The following NPM2 variants were observed in gnomAD, a reference collection of about 807,000 sequenced individuals.
NPM2 encodes nucleoplasmin-2.
In NPM2, 25 loss-of-function variants were observed where a neutral mutation model predicts 32.0. The observed-to-expected ratio is 0.78, with a 90% CI of 0.57 to 1.09. The LOEUF (loss-of-function observed/expected upper bound fraction) is 1.09. NPM2 is among the 50% of genes least tolerant of loss of function. The pLI is 0.00. For synonymous variants in NPM2, 111 were observed against 94.2 expected, an observed-to-expected ratio of 1.18 and a Z score of -1.04; for missense variants, 282 against 259.9, an observed-to-expected ratio of 1.08 and a Z score of -0.58.
In NPM2 at chr8:22,036,769, C is replaced by T. The variant is rs1428835914; in HGVS notation, c.*87C>T. ...AGGGTGCCCCTGTCCAGCCCCTCCA[C>T]CTGTGTCTGAATGCAACAGGGGTGT... On this transcript the variant is annotated 3_prime_UTR_variant, in exon 10 of 10. Transcript: ENST00000518119. The T allele has an allele frequency of 5.1e-6, 7 of 1,361,096 alleles. No individual in the cohort carries two copies. The highest frequency in any genetic ancestry group is 5.7e-5 in the Admixed American group (2 of 35,368). 84.3% of individuals were successfully genotyped at this position (1,361,096 alleles called of 1,614,324 possible). A position where few individuals can be genotyped will look rare whatever the true frequency, so the allele number is the denominator to read the frequency against.
chr8:22,033,892 G>A (rs1800525385), intron 6 of NPM2, among the ~76,000 whole-genome samples: 1 of 152,080 alleles, frequency 6.6e-6, no homozygotes, highest in Non-Finnish European at 1.5e-5. Flanking sequence ...CCTCTGCAGG[G>A]CTTTCCTAGA....
intron 5 of NPM2, among the ~76,000 whole-genome samples, chr8:22,026,018 G>T (rs1278415026): frequency 2.0e-5 from 3 of 152,170 alleles, no homozygotes; most frequent in South Asian, 2.1e-4. Flanking sequence ...CCGGGTCAAG[G>T]ACCAGAACTC....
At chr8:22,025,391 G>A (rs746131566) in intron 3 of NPM2, 45 bp from the exon 4 acceptor site, 3 of 1,606,232 alleles carry the variant, frequency 1.9e-6, no homozygotes, top group African/African-American at 2.7e-5. Context: ...CCCCTCCTTT[G>A]GGAACGAATG....
At chr8:22,032,703 G>A (rs986214551) in intron 5 of NPM2, among the ~76,000 whole-genome samples, 2 of 152,150 alleles carry the variant, frequency 1.3e-5, no homozygotes, top group Admixed American at 1.3e-4. Flanking sequence ...TGGGGCAGGA[G>A]AGTGGAGAGA....
Position 22,036,750 on chromosome 8 carries a change from C to A in NPM2, c.*68C>A. 5 of 1,454,194 alleles carry A rather than the reference C, an allele frequency of 3.4e-6. No individual in the cohort carries two copies. Among genetic ancestry groups the A allele is most frequent in the South Asian group, 1.3e-5 (1 of 74,958 alleles). The allele number at this position is 1,454,194 out of a possible 1,614,324, so 90.1% of individuals were successfully genotyped here. ...TGGGCTGTGCTGCAGGCACAGGGTG[C>A]CCCTGTCCAGCCCCTCCACCTGTGT... On this transcript the variant is annotated 3_prime_UTR_variant, in exon 10 of 10. Transcript: ENST00000518119.
At position 22,025,417 on chromosome 8, in the gene NPM2, C is replaced by T; in HGVS notation, c.59-19C>T. The T allele has an allele frequency of 6.2e-7, 1 of 1,612,346 alleles. No individual in the cohort carries two copies. Among genetic ancestry groups the T allele is most frequent in the Non-Finnish European group, 8.5e-7 (1 of 1,179,164 alleles). ...GGAACGAATGGAGGGCCCCACTTCCCTCCCTTTCTCCTCCGCAGGCTGCGA... is the reference window on the plus strand; with the variant it reads ...GGAACGAATGGAGGGCCCCACTTCCTTCCCTTTCTCCTCCGCAGGCTGCGA... On this transcript the variant is annotated intron_variant, in intron 3 of 9. Transcript: ENST00000518119.
At chr8:22,028,628 C>A (rs969535350) in intron 5 of NPM2, among the ~76,000 whole-genome samples, 1 of 151,966 alleles carries the variant, frequency 6.6e-6, no homozygotes, top group Non-Finnish European at 1.5e-5. Flanking sequence ...CTATGCCCAG[C>A]CAAAAAGATC....
At chr8:22,026,898 G>A (rs1800275055) in intron 5 of NPM2, among the ~76,000 whole-genome samples, 1 of 152,130 alleles carries the variant, frequency 6.6e-6, no homozygotes, top group African/African-American at 2.4e-5. Flanking sequence ...CATTTTGTCA[G>A]GTTAAGGAAG....
rs201240103 is a variant in NPM2 at position 22,034,280 on chromosome 8, G to A, written c.531+5G>A. ...AAGCAGGCGAGCGTGGCTAAGGTGGGGGAAGGAGCGTGGCTGTTTGGAAGG... is the reference window on the plus strand; with the variant it reads ...AAGCAGGCGAGCGTGGCTAAGGTGGAGGAAGGAGCGTGGCTGTTTGGAAGG... On this transcript the variant is annotated splice_donor_5th_base_variant and intron_variant, in intron 7 of 9. Transcript: ENST00000518119. 5 of 1,580,024 alleles carry A rather than the reference G, an allele frequency of 3.2e-6. No homozygotes were observed. In the East Asian group the frequency reaches 1.1e-4, roughly 35 times the overall value.
intron 8 of NPM2, 134 bp downstream of exon 8, chr8:22,034,678 G>T: frequency 1.4e-6 from 1 of 701,380 alleles, no homozygotes; most frequent in Non-Finnish European, 2.4e-6. Context: ...CAGGCACATG[G>T]GTATGGAAGT....
chr8:22,033,284 C>A, intron 6 of NPM2, 61 bp downstream of exon 6: 2 of 1,240,206 alleles, frequency 1.6e-6, no homozygotes, highest in Non-Finnish European at 2.4e-6. Flanking sequence ...GGGCTCGGGA[C>A]ATACTAGCTA....
At chr8:22,025,800 C>A in intron 5 of NPM2, 28 bp downstream of exon 5, 1 of 1,613,338 alleles carries the variant, frequency 6.2e-7, no homozygotes, top group African/African-American at 1.3e-5. Flanking sequence ...GGCTGGAAGA[C>A]TGCTGTCAGC....
chr8:22,033,072 G>A, intron 5 of NPM2, 58 bp from the exon 6 acceptor site: 1 of 1,298,840 alleles, frequency 7.7e-7, no homozygotes, highest in Non-Finnish European at 1.1e-6. Context: ...CCTGAGGCTA[G>A]TCCCCGAGAG....
chr8:22,034,834 T>C (rs940135459), intron 8 of NPM2, among the ~76,000 whole-genome samples: 2 of 152,186 alleles, frequency 1.3e-5, no homozygotes, highest in Non-Finnish European at 2.9e-5. Context: ...ACGGCCAGGC[T>C]TGGTGGCCCA....
At chr8:22,035,957 A>C (rs1800605769) in intron 8 of NPM2, among the ~76,000 whole-genome samples, 1 of 151,434 alleles carries the variant, frequency 6.6e-6, no homozygotes, top group South Asian at 2.1e-4. Context: ...AAGTTTGACC[A>C]AGAAAAAAAT....
intron 7 of NPM2, 67 bp from the exon 8 acceptor site, chr8:22,034,443 T>C: frequency 6.7e-7 from 1 of 1,482,946 alleles, no homozygotes; most frequent in Non-Finnish European, 9.4e-7. Flanking sequence ...CCTTGTGGAC[T>C]TTGGGAATCT....
intron 6 of NPM2, 78 bp from the exon 7 acceptor site, chr8:22,034,031 G>T: frequency 6.5e-7 from 1 of 1,527,146 alleles, no homozygotes. Context: ...GGAGCAACAC[G>T]GATCACAGAA....
At chr8:22,032,320 A>T (rs370109442) in intron 5 of NPM2, among the ~76,000 whole-genome samples, 1 of 152,232 alleles carries the variant, frequency 6.6e-6, no homozygotes, top group Non-Finnish European at 1.5e-5. Flanking sequence ...ATATCCATAC[A>T]TTATACATAA....
In NPM2 at chr8:22,034,150, G is replaced by T. The variant is rs1419757465; in HGVS notation, c.406G>T (p.Gly136Trp). The change falls in exon 7 of 10, where the codon GGG becomes TGG. Residue 136 changes from glycine (G) to tryptophan (W), a missense_variant. Coordinates refer to ENST00000518119, the MANE Select transcript of NPM2 (RefSeq NM_001286680.2). ...LTWEEEEEEE[G>W]EEEEEEEEDD... is the part of the protein sequence containing the mutation. The stretch of plus-strand genomic sequence containing the variant: ...CTGGGAGGAGGAGGAGGAAGAAGAA[G>T]GGGAGGAGGAGGAAGAGGAAGAGGA... 6.2e-7 allele frequency: 1 copy of T among 1,611,442 alleles called. No homozygotes were observed. The highest frequency in any genetic ancestry group is 1.7e-5 in the Admixed American group (1 of 59,874).
Sources: gnomAD v4.1 joint callset for allele counts (sites outside exome capture counted in the v4.1 genomes callset) on GRCh38, gnomAD v4.1.1 for gene constraint, MANE v1.5 for transcripts, NCBI Gene and HGNC (gene_info 2026-07-23, HGNC 2026-07-21) for gene names.